The following POLH variants were observed in gnomAD, a reference collection of about 807,000 sequenced individuals.
POLH encodes DNA polymerase eta, also known as DNA polymerase eta transcript.
In POLH, 53 loss-of-function variants were observed where a neutral mutation model predicts 73.6. That is an observed-to-expected ratio of 0.72 (90% CI 0.58 to 0.91). POLH has a LOEUF of 0.91. Ranked by LOEUF, POLH falls within the 40% of genes least tolerant of loss-of-function variation. The pLI is 0.00. For missense variants in POLH, 768 were observed against 865.4 expected (o/e 0.89, Z 1.41); for synonymous variants, 292 against 308.5 (o/e 0.95, Z 0.56).
At chr6:43,610,811 G>A in intron 10 of POLH, 88 bp downstream of exon 10, 1 of 1,121,694 alleles carries the variant, frequency 8.9e-7, no homozygotes. Flanking sequence ...TTATCATAAA[G>A]TTCCTCATTG....
chr6:43,605,511 C>A (rs1281694517), intron 9 of POLH, 192 bp downstream of exon 9: 2 of 516,484 alleles, frequency 3.9e-6, no homozygotes, highest in East Asian at 7.0e-5. Flanking sequence ...TACACTGGCA[C>A]AATCATGGCT....
chr6:43,602,365 T>C (rs1485025159), intron 6 of POLH, among the ~76,000 whole-genome samples: 1 of 152,168 alleles, frequency 6.6e-6, no homozygotes, highest in Admixed American at 6.5e-5. Context: ...GACTGCATAA[T>C]TGATAAATGA....
At chr6:43,590,729 T>C (rs966987819) in intron 4 of POLH, among the ~76,000 whole-genome samples, 15 of 151,850 alleles carry the variant, frequency 9.9e-5, no homozygotes, top group Non-Finnish European at 2.2e-4. Flanking sequence ...TCAAGACCAG[T>C]CTGGCCAACA....
intron 1 of POLH, among the ~76,000 whole-genome samples, chr6:43,580,967 G>A (rs1481124908): frequency 6.8e-6 from 1 of 147,634 alleles, no homozygotes; most frequent in African/African-American, 2.5e-5. Context: ...CCTCCCGGAT[G>A]GGGCGGCTGG....
At chr6:43,579,169 C>A (rs1167792003) in intron 1 of POLH, among the ~76,000 whole-genome samples, 1 of 152,176 alleles carries the variant, frequency 6.6e-6, no homozygotes, top group Non-Finnish European at 1.5e-5. Flanking sequence ...CTCTCTCTGG[C>A]CTTCTGCCCT....
chr6:43,582,295 C>T (rs765760819), intron 1 of POLH, 21 bp from the exon 2 acceptor site: 1 of 1,612,098 alleles, frequency 6.2e-7, no homozygotes, highest in Admixed American at 1.7e-5. Flanking sequence ...TTCTAACTGT[C>T]CATAAAATGT....
intron 6 of POLH, among the ~76,000 whole-genome samples, chr6:43,603,112 C>T (rs775845649): frequency 6.6e-6 from 1 of 151,156 alleles, no homozygotes; most frequent in Non-Finnish European, 1.5e-5. Context: ...AGCAATCCTC[C>T]TGCCTCAGCC....
intron 1 of POLH, among the ~76,000 whole-genome samples, chr6:43,580,934 C>T (rs1187113564): frequency 3.4e-3 from 446 of 129,402 alleles, no homozygotes; most frequent in Middle Eastern, 0.013. Flanking sequence ...GCTGGCCAGG[C>T]GGGGGGCTGA....
intron 1 of POLH, among the ~76,000 whole-genome samples, chr6:43,576,913 T>C (rs918011689): frequency 3.9e-5 from 6 of 152,184 alleles, no homozygotes; most frequent in African/African-American, 1.4e-4. Flanking sequence ...CCCAGCACTT[T>C]GGGAGGCGGA....
At chr6:43,578,073 T>C (rs1177338506) in intron 1 of POLH, among the ~76,000 whole-genome samples, 4 of 145,184 alleles carry the variant, frequency 2.8e-5, no homozygotes, top group African/African-American at 1.0e-4. Flanking sequence ...AGACGGAGAC[T>C]CTGTCTAGGA....
intron 6 of POLH, among the ~76,000 whole-genome samples, chr6:43,601,646 G>A (rs1766745984): frequency 6.6e-6 from 1 of 152,162 alleles, no homozygotes; most frequent in African/African-American, 2.4e-5. Flanking sequence ...AAATGAGCCA[G>A]GTGTGGTGGC....
chr6:43,590,071 T>A (rs1256280238), intron 4 of POLH, among the ~76,000 whole-genome samples: 1 of 152,026 alleles, frequency 6.6e-6, no homozygotes, highest in East Asian at 1.9e-4. Context: ...AAAAACTTGC[T>A]TTTGTGGCTG....
At chr6:43,581,783 C>G (rs555691743) in intron 1 of POLH, among the ~76,000 whole-genome samples, 117 of 150,432 alleles carry the variant, frequency 7.8e-4, no homozygotes, top group African/African-American at 2.7e-3. Flanking sequence ...CTGCCCCGGG[C>G]CGCAGCGCAG....
intron 6 of POLH, among the ~76,000 whole-genome samples, chr6:43,603,507 C>T (rs114339679): frequency 0.013 from 1,912 of 152,096 alleles, 43 homozygotes; most frequent in African/African-American, 0.044. Flanking sequence ...AGCAATCTTC[C>T]CGCCTTGGCC....
chr6:43,584,798 C>T (rs1338704608), intron 3 of POLH, among the ~76,000 whole-genome samples: 2 of 152,134 alleles, frequency 1.3e-5, no homozygotes, highest in Non-Finnish European at 2.9e-5. Flanking sequence ...AAGCGACTCA[C>T]AGAACTCAGG....
rs1365107069 is a variant in POLH, at chr6:43,615,939, TG to T, written c.*1385del. Among the ~76,000 whole-genome samples, 3 of 152,076 alleles carry T rather than the reference TG, an allele frequency of 2.0e-5. No individual in the cohort carries two copies. The East Asian group carries it at 5.9e-4, about 30-fold the overall frequency. On this transcript the variant is annotated 3_prime_UTR_variant, in exon 11 of 11. Coordinates refer to ENST00000372236, the MANE Select transcript of POLH (RefSeq NM_006502.3). Reference sequence around the variant, plus strand: ...GCCTGCCTCGACCTCCCAAAGTTGCTGGGATTACAGATGTTAGCCACCGATC... The same window carrying T: ...GCCTGCCTCGACCTCCCAAAGTTGCTGGATTACAGATGTTAGCCACCGATC...
At chr6:43,585,124 A>G (rs954039348) in intron 3 of POLH, among the ~76,000 whole-genome samples, 4 of 152,130 alleles carry the variant, frequency 2.6e-5, no homozygotes, top group Non-Finnish European at 4.4e-5. Context: ...AAACCACTGC[A>G]TGCAGCCTGG....
intron 3 of POLH, 59 bp downstream of exon 3, chr6:43,583,200 G>A (rs879475111): frequency 6.8e-7 from 1 of 1,475,694 alleles, no homozygotes; most frequent in Admixed American, 1.7e-5. Context: ...ACTCCATGAG[G>A]CTAGGAACTG....
intron 10 of POLH, 141 bp from the exon 11 acceptor site, chr6:43,613,519 G>A (rs1484244630): frequency 4.2e-6 from 3 of 712,580 alleles, no homozygotes; most frequent in Non-Finnish European, 7.1e-6. Context: ...AATTTCTGTG[G>A]CAGAACCAGA....
Sources: gnomAD v4.1 joint callset for allele counts (sites outside exome capture counted in the v4.1 genomes callset) on GRCh38, gnomAD v4.1.1 for gene constraint, MANE v1.5 for transcripts, NCBI Gene and HGNC (gene_info 2026-07-23, HGNC 2026-07-21) for gene names.